NT5M: variants seen among roughly 807,000 people sequenced by gnomAD.
NT5M encodes the protein 5',3'-nucleotidase, mitochondrial.
Under a neutral mutation model 22.2 loss-of-function variants are expected in NT5M, and 22 were observed. The observed-to-expected ratio is 0.99, with a 90% confidence interval of 0.71 to 1.41. NT5M has a LOEUF of 1.41. Ranked by LOEUF, NT5M falls within the 40% of genes most tolerant of loss-of-function variation. The pLI is 0.00. For missense variants in NT5M, 322 were observed against 314.8 expected (o/e 1.02, Z -0.17); for synonymous variants, 167 against 133.0 (o/e 1.26, Z -1.76).
At chr17:17,339,774 A>T (rs2049600125) in intron 3 of NT5M, among the ~76,000 whole-genome samples, 1 of 152,184 alleles carries the variant, frequency 6.6e-6, no homozygotes, top group Non-Finnish European at 1.5e-5. Context: ...ATGATATATC[A>T]CATTAATTGA....
At chr17:17,329,187 C>T (rs929174828) in intron 3 of NT5M, among the ~76,000 whole-genome samples, 4 of 152,128 alleles carry the variant, frequency 2.6e-5, no homozygotes, top group Non-Finnish European at 5.9e-5. Flanking sequence ...ACTGTGTTAG[C>T]CAGGATGGTC....
intron 3 of NT5M, among the ~76,000 whole-genome samples, chr17:17,332,776 G>A (rs948371598): frequency 3.0e-4 from 45 of 152,098 alleles, no homozygotes; most frequent in African/African-American, 1.0e-3. Context: ...TTGAACCTAC[G>A]TCAGTGCACC....
chr17:17,323,734 G>A (rs937602073), intron 3 of NT5M, among the ~76,000 whole-genome samples: 5 of 152,166 alleles, frequency 3.3e-5, no homozygotes, highest in African/African-American at 1.2e-4. Context: ...GGTCAGGGCC[G>A]GCCCTCCCTG....
intron 2 of NT5M, among the ~76,000 whole-genome samples, chr17:17,320,781 T>G (rs2049134975): frequency 6.6e-6 from 1 of 151,858 alleles, no homozygotes; most frequent in Non-Finnish European, 1.5e-5. Flanking sequence ...CTGGGCTGGG[T>G]GGCTGGCGAG....
intron 3 of NT5M, among the ~76,000 whole-genome samples, chr17:17,326,037 G>A (rs921008257): frequency 1.3e-5 from 2 of 152,210 alleles, no homozygotes; most frequent in Non-Finnish European, 2.9e-5. Flanking sequence ...CCAGCGCAGG[G>A]TGGCACACTG....
intron 2 of NT5M, among the ~76,000 whole-genome samples, chr17:17,308,265 G>A (rs1367628649): frequency 6.6e-6 from 1 of 152,124 alleles, no homozygotes; most frequent in Non-Finnish European, 1.5e-5. Context: ...GTGCTTCCCT[G>A]AGAGATTTTT....
chr17:17,306,650 T>G lies in NT5M; in HGVS notation c.368+7T>G. ...AGATGGCCAGCCTACAAAAGTAAGT[T>G]TGTCCTCCCAGCCACTCAGTAAGTT... On this transcript the variant is annotated splice_region_variant and intron_variant, in intron 2 of 4. Transcript: ENST00000389022. 1 of 1,601,150 alleles carries G rather than the reference T, an allele frequency of 6.2e-7. No homozygotes were observed. Among genetic ancestry groups the G allele is most frequent in the Non-Finnish European group, 8.6e-7 (1 of 1,168,282 alleles).
chr17:17,321,240 C>T (rs528658868), intron 2 of NT5M, among the ~76,000 whole-genome samples: 85 of 150,714 alleles, frequency 5.6e-4, no homozygotes, highest in African/African-American at 2.0e-3. Flanking sequence ...TGCCAGCATG[C>T]GTTTGAATGA....
chr17:17,303,620 G>C lies in NT5M; in HGVS notation c.70G>C (p.Ala24Pro). 7.7e-7 allele frequency: 1 copy of C among 1,299,200 alleles called. No homozygotes were observed. Among genetic ancestry groups the C allele is most frequent in the Non-Finnish European group, 9.8e-7 (1 of 1,017,268 alleles). 80.5% of individuals were successfully genotyped at this position (1,299,200 alleles called of 1,614,324 possible). ...GGCGGTTCCCGCGGGGCGGCGCGGGGCGGCGGGCGGGCTGGGCCTGGCGGG... is the reference window on the plus strand; with the variant it reads ...GGCGGTTCCCGCGGGGCGGCGCGGGCCGGCGGGCGGGCTGGGCCTGGCGGG... ...SAAVPAGRRG[A>P]AGGLGLAGGR... The change falls in exon 1 of 5, where the codon GCG becomes CCG. Residue 24 changes from alanine to proline, a missense_variant. Ala to Pro is a conservative substitution (Grantham distance 27). Coordinates refer to ENST00000389022, the MANE Select transcript of NT5M (RefSeq NM_020201.4).
rs755643873 is a variant in NT5M, at chr17:17,323,257, G to A, written c.429+12G>A. The A allele has an allele frequency of 3.8e-5, 62 of 1,611,710 alleles. No individual in the cohort carries two copies. The Middle Eastern group carries it at 4.9e-4, about 13-fold the overall frequency. On this transcript the variant is annotated intron_variant, in intron 3 of 4. Transcript: ENST00000389022. ...GTCCCTATGAGAAGGTAAGGCGTGCGTCTGCTCAGCTGAGCCCTTACCCCA... is the reference window on the plus strand; with the variant it reads ...GTCCCTATGAGAAGGTAAGGCGTGCATCTGCTCAGCTGAGCCCTTACCCCA...
At chr17:17,316,550 A>G (rs1460643300) in intron 2 of NT5M, among the ~76,000 whole-genome samples, 14 of 132,588 alleles carry the variant, frequency 1.1e-4, no homozygotes, top group African/African-American at 3.5e-4. Flanking sequence ...TAATTTTTGT[A>G]TTTTTATTAG....
At chr17:17,318,771 G>A (rs1265760438) in intron 2 of NT5M, among the ~76,000 whole-genome samples, 1 of 88,534 alleles carries the variant, frequency 1.1e-5, no homozygotes, top group African/African-American at 4.6e-5. Context: ...GGCAACAAGA[G>A]CAGAACTCCG....
chr17:17,337,693 A>G (rs1301452473), intron 3 of NT5M, among the ~76,000 whole-genome samples: 2 of 152,106 alleles, frequency 1.3e-5, no homozygotes, highest in South Asian at 2.1e-4. Context: ...CGCAGCCACC[A>G]TATGTCTTCT....
At chr17:17,341,675 G>A (rs2049644506) in intron 3 of NT5M, among the ~76,000 whole-genome samples, 1 of 152,170 alleles carries the variant, frequency 6.6e-6, no homozygotes, top group Non-Finnish European at 1.5e-5. Context: ...CTCATGGCTG[G>A]GCTCCAGGAG....
At chr17:17,334,664 C>T (rs1009370972) in intron 3 of NT5M, among the ~76,000 whole-genome samples, 1 of 151,106 alleles carries the variant, frequency 6.6e-6, no homozygotes, top group African/African-American at 2.4e-5. Flanking sequence ...TTAGTTGAGA[C>T]GGGGTTTCAC....
rs192725675 is a variant in NT5M, at chr17:17,331,802, A to G, written c.429+8557A>G. On this transcript the variant is annotated intron_variant, in intron 3 of 4. Coordinates refer to ENST00000389022, the MANE Select transcript of NT5M (RefSeq NM_020201.4). ...TTTTTCTTTTCTTTTTTTTTTTGAG[A>G]TGGAGTCTCGCTGTGTCACCTAAGC... 3.6e-3 allele frequency among the ~76,000 whole-genome samples: 532 copies of G among 149,136 alleles called. 5 individuals carry two copies. The highest frequency in any genetic ancestry group is 3.0e-3 in the Non-Finnish European group (201 of 67,608).
intron 2 of NT5M, among the ~76,000 whole-genome samples, chr17:17,317,749 G>C (rs758751892): frequency 5.3e-5 from 8 of 152,046 alleles, no homozygotes; most frequent in Non-Finnish European, 1.2e-4. Flanking sequence ...CGAATCACCT[G>C]AGGTCAAGAG....
At chr17:17,340,460 A>T (rs546355737) in intron 3 of NT5M, among the ~76,000 whole-genome samples, 1 of 149,666 alleles carries the variant, frequency 6.7e-6, no homozygotes, top group African/African-American at 2.5e-5. Context: ...AATCTTTTGT[A>T]TTTTTTTTAT....
At chr17:17,321,241 G>C (rs999458970) in intron 2 of NT5M, among the ~76,000 whole-genome samples, 1 of 151,908 alleles carries the variant, frequency 6.6e-6, no homozygotes, top group Non-Finnish European at 1.5e-5. Context: ...GCCAGCATGC[G>C]TTTGAATGAG....
Sources: gnomAD v4.1 joint callset for allele counts (sites outside exome capture counted in the v4.1 genomes callset) on GRCh38, gnomAD v4.1.1 for gene constraint, MANE v1.5 for transcripts, NCBI Gene and HGNC (gene_info 2026-07-23, HGNC 2026-07-21) for gene names.